MRAP2: variants seen among roughly 807,000 people sequenced by gnomAD.
The protein encoded by MRAP2 is melanocortin-2 receptor accessory protein 2.
A neutral mutation model predicts 17.4 loss-of-function variants in MRAP2; 20 were observed. The observed-to-expected ratio is 1.15, with a 90% CI of 0.81 to 1.67. The LOEUF is 1.67. Ranked by LOEUF, MRAP2 falls within the 40% of genes most tolerant of loss-of-function variation. The pLI, the probability that MRAP2 is intolerant of heterozygous loss-of-function variation, is 0.00. For missense variants in MRAP2, 238 were observed against 240.0 expected, an observed-to-expected ratio of 0.99 and a Z score of 0.05; for synonymous variants, 96 against 88.4, an observed-to-expected ratio of 1.09 and a Z score of -0.48.
chr6:84,076,205 T>C (rs1442009769), intron 3 of MRAP2, among the ~76,000 whole-genome samples: 1 of 150,992 alleles, frequency 6.6e-6, no homozygotes, highest in African/African-American at 2.4e-5. Context: ...TGGGACTGGG[T>C]GTCCACTACA....
intron 1 of MRAP2, chr6:84,052,703 A>G (rs973871122): frequency 4.3e-6 from 2 of 464,916 alleles, no homozygotes; most frequent in South Asian, 9.2e-5. Flanking sequence ...CTTTTGTTTG[A>G]AGGCTACCCA....
chr6:84,041,068 C>T (rs142046664), intron 1 of MRAP2, among the ~76,000 whole-genome samples: 8 of 152,184 alleles, frequency 5.3e-5, no homozygotes, highest in African/African-American at 1.7e-4. Context: ...TTCAGGCCCC[C>T]CCTGCTGCGT....
intron 3 of MRAP2, among the ~76,000 whole-genome samples, chr6:84,063,776 G>T (rs1245272716): frequency 2.6e-5 from 4 of 152,190 alleles, no homozygotes; most frequent in Non-Finnish European, 5.9e-5. Context: ...GGCCGGTATG[G>T]TGGCTCACGC....
At chr6:84,136,948 C>G in the MRAP2 span, among the ~76,000 whole-genome samples, 1 of 152,198 alleles carries the variant, frequency 6.6e-6, no homozygotes, top group Admixed American at 6.5e-5. Context: ...AACTGAAATA[C>G]TTCATAGGAA....
the MRAP2 span, among the ~76,000 whole-genome samples, chr6:84,141,656 C>CT: frequency 6.6e-6 from 1 of 152,160 alleles, no homozygotes; most frequent in Non-Finnish European, 1.5e-5. Flanking sequence ...AGAAAGTACT[C>CT]CAGCCTGATA....
At chr6:84,124,847 T>C in the MRAP2 span, 1 of 542,140 alleles carries the variant, frequency 1.8e-6, no homozygotes, top group African/African-American at 2.0e-5. Context: ...AAACTGTCCA[T>C]AAATCACTTA....
intron 1 of MRAP2, among the ~76,000 whole-genome samples, chr6:84,054,926 C>T (rs981946855): frequency 4.6e-5 from 7 of 152,208 alleles, no homozygotes; most frequent in African/African-American, 2.4e-5. Flanking sequence ...CTAGTTTCAG[C>T]AGGCTCTTTA....
At chr6:84,054,124 C>T (rs1432737790) in intron 1 of MRAP2, among the ~76,000 whole-genome samples, 1 of 152,126 alleles carries the variant, frequency 6.6e-6, no homozygotes, top group African/African-American at 2.4e-5. Flanking sequence ...GGTGACTGCT[C>T]AGTGAATCTT....
the MRAP2 span, among the ~76,000 whole-genome samples, chr6:84,144,103 T>C: frequency 6.6e-6 from 1 of 152,034 alleles, no homozygotes; most frequent in Non-Finnish European, 1.5e-5. Flanking sequence ...TATAAATTAT[T>C]TTGACCTCAA....
intron 3 of MRAP2, among the ~76,000 whole-genome samples, chr6:84,073,341 A>C (rs2099496717): frequency 6.6e-6 from 1 of 152,218 alleles, no homozygotes; most frequent in Non-Finnish European, 1.5e-5. Flanking sequence ...TCTCCCACAA[A>C]GAGACTTTCA....
chr6:84,094,597 A>G (rs1477974640), downstream of MRAP2, among the ~76,000 whole-genome samples: 3 of 152,148 alleles, frequency 2.0e-5, no homozygotes, highest in Non-Finnish European at 4.4e-5. Flanking sequence ...GTTTCCAATA[A>G]CATGTTCCTC....
chr6:84,035,884 C>G, intron 1 of MRAP2, among the ~76,000 whole-genome samples: 1 of 152,160 alleles, frequency 6.6e-6, no homozygotes, highest in East Asian at 1.9e-4. Context: ...TTTTGATAGT[C>G]ACAGTTCATA....
At chr6:84,141,889 A>AAACTT in the MRAP2 span, among the ~76,000 whole-genome samples, 3 of 152,148 alleles carry the variant, frequency 2.0e-5, no homozygotes, top group East Asian at 1.9e-4. Flanking sequence ...AGGAAAAGAA[A>AAACTT]AACTTAAAAA....
At chr6:84,084,508 A>G (rs2099499781) in intron 3 of MRAP2, among the ~76,000 whole-genome samples, 1 of 152,186 alleles carries the variant, frequency 6.6e-6, no homozygotes, top group Non-Finnish European at 1.5e-5. Context: ...TACATTTCCA[A>G]AGGTGTCTAA....
chr6:84,133,571 C>G, the MRAP2 span, among the ~76,000 whole-genome samples: 1 of 152,158 alleles, frequency 6.6e-6, no homozygotes, highest in Non-Finnish European at 1.5e-5. Flanking sequence ...ACGGCGGATG[C>G]CCCTCCCCCA....
intron 1 of MRAP2, among the ~76,000 whole-genome samples, chr6:84,054,637 A>T (rs987203583): frequency 7.2e-5 from 11 of 152,248 alleles, no homozygotes; most frequent in Non-Finnish European, 1.0e-4. Flanking sequence ...CCATTGTTGC[A>T]TAGTAGGTGT....
the MRAP2 span, among the ~76,000 whole-genome samples, chr6:84,128,935 T>C: frequency 1.3e-5 from 2 of 149,208 alleles, no homozygotes. Flanking sequence ...AGTGAGAACA[T>C]GCGGTGTTTG....
intron 1 of MRAP2, 26 bp downstream of exon 1, chr6:84,033,909 C>T (rs1416345623): frequency 4.1e-6 from 4 of 985,940 alleles, no homozygotes; most frequent in African/African-American, 3.5e-5. Context: ...ACAGGGCGCC[C>T]AGGGCGGAGC....
At chr6:84,037,316 G>A (rs1416982848) in intron 1 of MRAP2, among the ~76,000 whole-genome samples, 3 of 152,164 alleles carry the variant, frequency 2.0e-5, no homozygotes, top group Non-Finnish European at 4.4e-5. Context: ...CACGAACCCC[G>A]AGCTAGACAC....
Sources: allele counts gnomAD v4.1 joint callset (sites outside exome capture counted in the v4.1 genomes callset), GRCh38; gene constraint gnomAD v4.1.1; transcripts MANE v1.5; gene names NCBI Gene and HGNC (gene_info 2026-07-23, HGNC 2026-07-21).